NXPH2: variants seen among roughly 807,000 people sequenced by gnomAD.
The protein encoded by NXPH2 is neurexophilin 2.
A neutral mutation model predicts 19.8 loss-of-function variants in NXPH2; 5 were observed. The observed-to-expected ratio is 0.25, with a 90% CI of 0.13 to 0.53. The LOEUF is 0.53. Ranked by LOEUF, NXPH2 falls within the 20% of genes least tolerant of loss-of-function variation. The pLI is 0.96. For missense variants in NXPH2, 289 were observed against 322.8 expected, an observed-to-expected ratio of 0.90 and a Z score of 0.80; for synonymous variants, 154 against 127.4, an observed-to-expected ratio of 1.21 and a Z score of -1.41.
chr2:138,704,764 C>T (rs1209220225), intron 1 of NXPH2, among the ~76,000 whole-genome samples: 1 of 152,036 alleles, frequency 6.6e-6, no homozygotes, highest in African/African-American at 2.4e-5. Flanking sequence ...TCAAGTGATC[C>T]TCTCACCTTA....
chr2:138,689,494 T>A (rs1196666076), intron 1 of NXPH2, among the ~76,000 whole-genome samples: 2 of 152,124 alleles, frequency 1.3e-5, no homozygotes, highest in African/African-American at 4.8e-5. Flanking sequence ...AAGCATCCAC[T>A]AAATTGCCAA....
intron 1 of NXPH2, among the ~76,000 whole-genome samples, chr2:138,737,684 G>A (rs1487347681): frequency 6.6e-6 from 1 of 152,144 alleles, no homozygotes; most frequent in Non-Finnish European, 1.5e-5. Flanking sequence ...CAGCATCTTT[G>A]GATTATCCAG....
At chr2:138,776,746 T>C (rs1682269683) in intron 1 of NXPH2, among the ~76,000 whole-genome samples, 1 of 151,896 alleles carries the variant, frequency 6.6e-6, no homozygotes, top group Non-Finnish European at 1.5e-5. Flanking sequence ...GAATGGAAGA[T>C]AGTAAAGAGT....
At chr2:138,711,185 G>C (rs1463648837) in intron 1 of NXPH2, among the ~76,000 whole-genome samples, 2 of 115,506 alleles carry the variant, frequency 1.7e-5, no homozygotes, top group Non-Finnish European at 3.3e-5. Flanking sequence ...CTGTCACCTG[G>C]GCTGGAGTGC....
At position 138,686,803 on chromosome 2, in the gene NXPH2, T is replaced by C. The variant is rs1164444215; in HGVS notation, c.52-15138A>G. On this transcript the variant is annotated intron_variant, in intron 1 of 1. Coordinates refer to ENST00000272641, the MANE Select transcript of NXPH2 (RefSeq NM_007226.3). ...ACCTATGAGTGAGAATATGCGGTGTTTGTTTTTTTTGTCCTTGCAATAGTG... is the reference window on the plus strand; with the variant it reads ...ACCTATGAGTGAGAATATGCGGTGTCTGTTTTTTTTGTCCTTGCAATAGTG... Among the ~76,000 whole-genome samples the C allele has an allele frequency of 2.0e-5, 3 of 152,274 alleles. No homozygotes were observed. The East Asian group carries it at 5.8e-4, about 29-fold the overall frequency.
chr2:138,775,663 A>G (rs982834436), intron 1 of NXPH2, among the ~76,000 whole-genome samples: 5 of 152,150 alleles, frequency 3.3e-5, no homozygotes, highest in African/African-American at 4.8e-5. Context: ...CCATTGTGGA[A>G]GTCAAAACCA....
intron 1 of NXPH2, among the ~76,000 whole-genome samples, chr2:138,737,075 C>T (rs1024278758): frequency 6.6e-6 from 1 of 152,222 alleles, no homozygotes; most frequent in Non-Finnish European, 1.5e-5. Context: ...ATTTTCCTGT[C>T]TTCTTCTGAG....
At chr2:138,727,129 C>T (rs1249696168) in intron 1 of NXPH2, among the ~76,000 whole-genome samples, 3 of 152,130 alleles carry the variant, frequency 2.0e-5, no homozygotes, top group Non-Finnish European at 4.4e-5. Flanking sequence ...TTTTAAAGTA[C>T]TGAATAATAT....
intron 1 of NXPH2, among the ~76,000 whole-genome samples, chr2:138,752,820 T>G (rs1349489574): frequency 6.6e-6 from 1 of 152,118 alleles, no homozygotes; most frequent in Non-Finnish European, 1.5e-5. Context: ...TTTTAAAGAA[T>G]GTGCTACAAG....
intron 1 of NXPH2, among the ~76,000 whole-genome samples, chr2:138,747,318 C>T (rs532441447): frequency 3.9e-5 from 6 of 152,136 alleles, no homozygotes; most frequent in South Asian, 2.1e-4. Flanking sequence ...AGTTGTTGGG[C>T]GCATTGCTTG....
intron 1 of NXPH2, among the ~76,000 whole-genome samples, chr2:138,687,896 A>G (rs1398268277): frequency 9.2e-5 from 14 of 152,176 alleles, no homozygotes; most frequent in Non-Finnish European, 1.5e-4. Flanking sequence ...CCATTGGTCT[A>G]TATCTCTGTT....
At chr2:138,743,581 A>G (rs1558927355) in intron 1 of NXPH2, among the ~76,000 whole-genome samples, 1 of 152,190 alleles carries the variant, frequency 6.6e-6, no homozygotes, top group Non-Finnish European at 1.5e-5. Context: ...TTGGGAGACG[A>G]AATGTTGTAA....
intron 1 of NXPH2, among the ~76,000 whole-genome samples, chr2:138,747,202 G>T (rs1429737778): frequency 6.6e-6 from 1 of 152,152 alleles, no homozygotes; most frequent in Non-Finnish European, 1.5e-5. Context: ...GGTGGACAAA[G>T]TTGACAATTC....
In NXPH2 at chr2:138,669,540, A is replaced by G. The variant is rs1680383638; in HGVS notation, c.*1382T>C. The stretch of plus-strand genomic sequence containing the variant: ...GTGGTAAGAGTATTTCTTGTTGTTT[A>G]GGACTTCTCTTCCTTTAGTCCTCAA... On this transcript the variant is annotated 3_prime_UTR_variant, in exon 2 of 2. Coordinates refer to ENST00000272641, the MANE Select transcript of NXPH2 (RefSeq NM_007226.3). Among the ~76,000 whole-genome samples the G allele has an allele frequency of 6.6e-6, 1 of 152,196 alleles. No individual in the cohort carries two copies. Among genetic ancestry groups the G allele is most frequent in the South Asian group, 2.1e-4 (1 of 4,834 alleles).
At chr2:138,686,091 C>T (rs909857138) in intron 1 of NXPH2, among the ~76,000 whole-genome samples, 6 of 152,124 alleles carry the variant, frequency 3.9e-5, no homozygotes, top group African/African-American at 1.4e-4. Context: ...TTCCTTAGAC[C>T]ACTTTGGGAA....
At chr2:138,714,132 A>G (rs560451700) in intron 1 of NXPH2, among the ~76,000 whole-genome samples, 1 of 152,282 alleles carries the variant, frequency 6.6e-6, no homozygotes, top group South Asian at 2.1e-4. Flanking sequence ...TGGTTATTTC[A>G]GTTCTCAAAA....
intron 1 of NXPH2, among the ~76,000 whole-genome samples, chr2:138,771,555 T>G (rs1423963833): frequency 6.6e-6 from 1 of 152,076 alleles, no homozygotes; most frequent in Admixed American, 6.5e-5. Flanking sequence ...TGAGGGCTAT[T>G]GATTTAAAAC....
chr2:138,771,554 T>C (rs908924694), intron 1 of NXPH2, among the ~76,000 whole-genome samples: 3 of 152,040 alleles, frequency 2.0e-5, no homozygotes, highest in African/African-American at 7.2e-5. Context: ...TTGAGGGCTA[T>C]TGATTTAAAA....
intron 1 of NXPH2, among the ~76,000 whole-genome samples, chr2:138,684,654 A>G (rs1287694982): frequency 6.6e-6 from 1 of 152,202 alleles, no homozygotes. Context: ...TAAATCCTGG[A>G]TGACACTTTC....
Sources: gnomAD v4.1 joint callset for allele counts (sites outside exome capture counted in the v4.1 genomes callset) on GRCh38, gnomAD v4.1.1 for gene constraint, MANE v1.5 for transcripts, NCBI Gene and HGNC (gene_info 2026-07-23, HGNC 2026-07-21) for gene names.